Variants in DTHD1 observed in about 807,000 individuals in gnomAD.
DTHD1 encodes death domain-containing protein 1.
In DTHD1, 59 loss-of-function variants were observed where a neutral mutation model predicts 74.8. The observed-to-expected ratio is 0.79, with a 90% confidence interval of 0.64 to 0.98. The LOEUF (loss-of-function observed/expected upper bound fraction) is 0.98. DTHD1 is among the 50% of genes least tolerant of loss of function. DTHD1 has a pLI of 0.00. For synonymous variants in DTHD1, 365 were observed against 371.1 expected (o/e 0.98, Z 0.19); for missense variants, 1,051 against 1,065.4 (o/e 0.99, Z 0.19).
rs79136322 is a variant in DTHD1 at position 36,293,380 on chromosome 4, T to C, written c.1219-146T>C. 2,204 of 532,038 alleles carry C rather than the reference T, an allele frequency of 4.1e-3. 31 individuals carry two copies. The highest frequency in any genetic ancestry group is 0.039 in the African/African-American group (2,010 of 51,152). The allele number at this position is 532,038 out of a possible 1,614,324, so 33.0% of individuals were successfully genotyped here. A position where few individuals can be genotyped will look rare whatever the true frequency, so the allele number is the denominator to read the frequency against. On this transcript the variant is annotated intron_variant, in intron 3 of 9. Coordinates refer to ENST00000639862, the MANE Select transcript of DTHD1 (RefSeq NM_001170700.3). ...TCTACTTAATCTCATATAATGACCA[T>C]CCATTTTAGGTTATTGGAATCATTT...
chr4:36,335,918 A>T (rs1239483638), intron 8 of DTHD1, among the ~76,000 whole-genome samples: 1 of 152,044 alleles, frequency 6.6e-6, no homozygotes, highest in Non-Finnish European at 1.5e-5. Context: ...TGGCTATAAA[A>T]CTCAAGACAC....
intron 2 of DTHD1, among the ~76,000 whole-genome samples, chr4:36,285,052 C>T (rs1755621777): frequency 6.6e-6 from 1 of 152,050 alleles, no homozygotes; most frequent in South Asian, 2.1e-4. Context: ...TTCATACCTC[C>T]CAAAGATATT....
chr4:36,322,662 A>G (rs1758105384), intron 8 of DTHD1, among the ~76,000 whole-genome samples: 1 of 152,162 alleles, frequency 6.6e-6, no homozygotes, highest in Non-Finnish European at 1.5e-5. Flanking sequence ...GTAAGATAGT[A>G]AGCGTCCTGG....
intron 8 of DTHD1, among the ~76,000 whole-genome samples, chr4:36,326,531 A>T (rs1304633202): frequency 1.3e-5 from 2 of 152,122 alleles, no homozygotes; most frequent in African/African-American, 4.8e-5. Flanking sequence ...TCTGATTTCA[A>T]TGGCAACACT....
At chr4:36,309,298 C>A (rs542754164) in intron 7 of DTHD1, among the ~76,000 whole-genome samples, 15 of 152,130 alleles carry the variant, frequency 9.9e-5, no homozygotes, top group Admixed American at 3.9e-4. Flanking sequence ...CACACACACA[C>A]AAAAATTAGT....
At position 36,343,539 on chromosome 4, in the gene DTHD1, G is replaced by A. The variant is rs1415913652; in HGVS notation, c.2436G>A (p.Glu812=). 1 of 1,551,506 alleles carries A rather than the reference G, an allele frequency of 6.4e-7. No homozygotes were observed. Among genetic ancestry groups the A allele is most frequent in the South Asian group, 1.2e-5 (1 of 84,050 alleles). The change falls in exon 10 of 10, where the codon GAG becomes GAA. Residue 812 remains glutamate, a synonymous_variant. Transcript: ENST00000639862. The part of the protein sequence containing the change: ...LWDNLLHWLA[E]ELSEENAESL... ...ATAACTTGCTCCATTGGCTGGCTGA[G>A]GAGCTCTCAGAAGAAAATGCTGAGT...
Position 36,308,377 on chromosome 4 carries a change from T to A in DTHD1, c.1979T>A (p.Val660Glu), listed in dbSNP as rs1444118443. 6.4e-7 allele frequency: 1 copy of A among 1,551,672 alleles called. No individual in the cohort carries two copies. Among genetic ancestry groups the A allele is most frequent in the Non-Finnish European group, 8.7e-7 (1 of 1,147,000 alleles). ...GTGCCTTCCAAAGATTTAAGCCAGGTGCTTAAGGACCTGCACTTGGAAGGG... is the reference window on the plus strand; with the variant it reads ...GTGCCTTCCAAAGATTTAAGCCAGGAGCTTAAGGACCTGCACTTGGAAGGG... ...LVVPSKDLSQVLKDLHLEGFG... is the reference protein window; with the variant it reads ...LVVPSKDLSQELKDLHLEGFG... Residue 660 changes from valine (V) to glutamate (E), a missense_variant, in exon 7 of 10, where the codon GTG (valine) becomes GAG (glutamate). Coordinates refer to ENST00000639862, the MANE Select transcript of DTHD1 (RefSeq NM_001170700.3).
chr4:36,310,658 T>C lies in DTHD1; in HGVS notation c.2095+2165T>C, dbSNP rs73119360. ...ATTCAGGAAATAGCTCCAAGCTTCA[T>C]TGGTTCTTTTTTTGCTTCAAAAAAG... On this transcript the variant is annotated intron_variant, in intron 7 of 9. Coordinates refer to ENST00000639862, the MANE Select transcript of DTHD1 (RefSeq NM_001170700.3). Among the ~76,000 whole-genome samples, 882 of 152,302 alleles carry C rather than the reference T, an allele frequency of 5.8e-3. 2 individuals are homozygous for C. Among genetic ancestry groups the C allele is most frequent in the African/African-American group, 0.02 (840 of 41,562 alleles).
Position 36,284,217 on chromosome 4 carries a change from C to T in DTHD1, c.513C>T (p.Tyr171=). The T allele has an allele frequency of 1.3e-6, 2 of 1,537,118 alleles. No homozygotes were observed. Among genetic ancestry groups the T allele is most frequent in the African/African-American group, 2.7e-5 (2 of 73,140 alleles). The change falls in exon 2 of 10, where the codon TAC becomes TAT. Residue 171 remains tyrosine, a synonymous_variant. Coordinates refer to ENST00000639862, the MANE Select transcript of DTHD1 (RefSeq NM_001170700.3). ...VSPTNGEESH[Y]TNQVQLEKNK... is the part of the protein sequence containing the mutation. ...CCACAAATGGAGAGGAAAGTCATTA[C>T]ACAAACCAGGTCCAGTTAGAAAAAA...
chr4:36,299,479 G>A (rs1479274983), intron 5 of DTHD1, among the ~76,000 whole-genome samples: 1 of 152,182 alleles, frequency 6.6e-6, no homozygotes, highest in Non-Finnish European at 1.5e-5. Flanking sequence ...TTGCGTCTAT[G>A]TATGATCTGT....
chr4:36,343,702 CG>C lies in DTHD1; in HGVS notation c.2600del (p.Arg867ProfsTer37). On this transcript the variant is annotated frameshift_variant, in exon 10 of 10. Coordinates refer to ENST00000639862, the MANE Select transcript of DTHD1 (RefSeq NM_001170700.3). LOFTEE classifies it high-confidence loss of function. ...GCTTCCAACTTTCACCGACAAACTT[CG>C]CCTCCTGGCTCGACATCTCCGCAAG... ...KSLPTFTDKL[R>X]LLARHLRKIG... is the part of the protein sequence containing the mutation. 5.2e-6 allele frequency: 8 copies of C among 1,551,678 alleles called. No homozygotes were observed. The highest frequency in any genetic ancestry group is 7.0e-6 in the Non-Finnish European group (8 of 1,146,936).
At chr4:36,324,789 T>C (rs993485513) in intron 8 of DTHD1, among the ~76,000 whole-genome samples, 1 of 152,172 alleles carries the variant, frequency 6.6e-6, no homozygotes, top group African/African-American at 2.4e-5. Flanking sequence ...AATACAACAA[T>C]ACAGCAATAG....
At chr4:36,307,391 T>A (rs1757122752) in intron 6 of DTHD1, among the ~76,000 whole-genome samples, 2 of 152,172 alleles carry the variant, frequency 1.3e-5, no homozygotes, top group South Asian at 4.1e-4. Context: ...CTCAGGGTGT[T>A]TTCTCTGTAT....
chr4:36,336,146 G>T (rs1758998828), intron 8 of DTHD1, among the ~76,000 whole-genome samples: 1 of 152,162 alleles, frequency 6.6e-6, no homozygotes, highest in Non-Finnish European at 1.5e-5. Flanking sequence ...GGATTGTGCA[G>T]CAAAGAAACA....
intron 9 of DTHD1, 107 bp downstream of exon 9, chr4:36,339,276 TCAAA>T: frequency 2.6e-6 from 2 of 756,632 alleles, no homozygotes; most frequent in Non-Finnish European, 4.1e-6. Context: ...GACTTTCCAA[TCAAA>T]CAATCATTAA....
intron 8 of DTHD1, among the ~76,000 whole-genome samples, chr4:36,325,465 C>T (rs1361378225): frequency 6.6e-6 from 1 of 152,066 alleles, no homozygotes; most frequent in African/African-American, 2.4e-5. Context: ...CTACGACAGC[C>T]TATAAGGATA....
intron 8 of DTHD1, among the ~76,000 whole-genome samples, chr4:36,316,718 C>T (rs13134283): frequency 0.27 from 40,881 of 152,072 alleles, 5,967 homozygotes; most frequent in Non-Finnish European, 0.33. Flanking sequence ...GTCTGGTCCC[C>T]ACAGCATGTT....
Position 36,281,720 on chromosome 4 carries a change from T to C in DTHD1, c.-39T>C. On this transcript the variant is annotated 5_prime_UTR_variant, in exon 1 of 10. Transcript: ENST00000639862. ...TTTGAATTTGCAAAACCTTTAGGCTTTGCTGGCAGGAGAGAAAATACCACT... is the reference window on the plus strand; with the variant it reads ...TTTGAATTTGCAAAACCTTTAGGCTCTGCTGGCAGGAGAGAAAATACCACT... 8.1e-7 allele frequency: 1 copy of C among 1,234,802 alleles called. No homozygotes were observed. Among genetic ancestry groups the C allele is most frequent in the Non-Finnish European group, 1.0e-6 (1 of 988,620 alleles). The allele number at this position is 1,234,802 out of a possible 1,614,324, so 76.5% of individuals were successfully genotyped here.
At position 36,284,586 on chromosome 4, in the gene DTHD1, A is replaced by C; in HGVS notation, c.882A>C (p.Glu294Asp). The C allele has an allele frequency of 6.6e-7, 1 of 1,510,474 alleles. No homozygotes were observed. Among genetic ancestry groups the C allele is most frequent in the Non-Finnish European group, 8.8e-7 (1 of 1,135,472 alleles). The allele number at this position is 1,510,474 out of a possible 1,614,324, so 93.6% of individuals were successfully genotyped here. A position where few individuals can be genotyped will look rare whatever the true frequency, so the allele number is the denominator to read the frequency against. ...ENIKHKNNIM[E>D]KEYLDVLSDV... is the part of the protein sequence containing the mutation. ...TAAAGCACAAGAATAACATAATGGA[A>C]AAGGAGTAAGTAAATGCAATGTGGG... The change falls in exon 2 of 10, where the codon GAA becomes GAC. Residue 294 changes from glutamate (E) to aspartate (D), a missense_variant. Glu to Asp is a conservative substitution (Grantham distance 45, BLOSUM62 2). Coordinates refer to ENST00000639862, the MANE Select transcript of DTHD1 (RefSeq NM_001170700.3).
Sources: allele counts gnomAD v4.1 joint callset (sites outside exome capture counted in the v4.1 genomes callset), GRCh38; gene constraint gnomAD v4.1.1; transcripts MANE v1.5; gene names NCBI Gene and HGNC (gene_info 2026-07-23, HGNC 2026-07-21).